FGF10: variants seen among roughly 807,000 people sequenced by gnomAD.
FGF10 encodes the protein fibroblast growth factor 10.
Under a neutral mutation model 19.8 loss-of-function variants are expected in FGF10, and 2 were observed. The observed-to-expected ratio is 0.10, with a 90% CI of 0.04 to 0.32. The LOEUF (loss-of-function observed/expected upper bound fraction) is 0.32, where lower values mean the gene tolerates loss of function less well. Among genes scored for constraint, FGF10 ranks in the 10% least tolerant of loss-of-function variants. The pLI is 1.00. For missense variants in FGF10, 191 were observed against 246.3 expected, an observed-to-expected ratio of 0.78 and a Z score of 1.50; for synonymous variants, 112 against 94.0, an observed-to-expected ratio of 1.19 and a Z score of -1.10.
At chr5:44,319,866 G>C (rs1418443704) in intron 1 of FGF10, among the ~76,000 whole-genome samples, 1 of 152,144 alleles carries the variant, frequency 6.6e-6, no homozygotes, top group Non-Finnish European at 1.5e-5. Context: ...GCCATGGACT[G>C]GTACTGGTCC....
chr5:44,372,531 C>T (rs1300441901), intron 1 of FGF10, among the ~76,000 whole-genome samples: 1 of 152,104 alleles, frequency 6.6e-6, no homozygotes, highest in African/African-American at 2.4e-5. Flanking sequence ...ATTATTCAGC[C>T]TTCTGTATCC....
At chr5:44,387,966 A>G (rs1169165900) in intron 1 of FGF10, among the ~76,000 whole-genome samples, 2 of 152,144 alleles carry the variant, frequency 1.3e-5, no homozygotes, top group African/African-American at 4.8e-5. Flanking sequence ...AAGAAACAAA[A>G]TGTGTTTACT....
chr5:44,371,977 A>C (rs1412506063), intron 1 of FGF10, among the ~76,000 whole-genome samples: 1 of 152,166 alleles, frequency 6.6e-6, no homozygotes, highest in African/African-American at 2.4e-5. Context: ...TTGTCAAATT[A>C]TCCTTAATTT....
intron 1 of FGF10, among the ~76,000 whole-genome samples, chr5:44,354,854 GCA>G (rs1431144524): frequency 2.0e-5 from 3 of 151,450 alleles, no homozygotes; most frequent in Non-Finnish European, 4.4e-5. Flanking sequence ...AACAATTAGT[GCA>G]CAGTCCTGCC....
At chr5:44,325,694 T>A (rs989835542) in intron 1 of FGF10, among the ~76,000 whole-genome samples, 3 of 136,572 alleles carry the variant, frequency 2.2e-5, no homozygotes, top group African/African-American at 8.4e-5. Context: ...ATGAGAACAT[T>A]TGGACACAGG....
At chr5:44,335,019 T>C (rs1014278440) in intron 1 of FGF10, among the ~76,000 whole-genome samples, 1 of 152,150 alleles carries the variant, frequency 6.6e-6, no homozygotes, top group Non-Finnish European at 1.5e-5. Context: ...TTGTATTTGA[T>C]TTAATTTAAT....
At chr5:44,379,132 T>C (rs542676644) in intron 1 of FGF10, among the ~76,000 whole-genome samples, 21 of 152,334 alleles carry the variant, frequency 1.4e-4, no homozygotes, top group African/African-American at 4.8e-4. Flanking sequence ...CAGTGCTCTT[T>C]GGGGTAGTTC....
intron 1 of FGF10, among the ~76,000 whole-genome samples, chr5:44,347,916 T>C (rs1741124233): frequency 6.6e-6 from 1 of 151,698 alleles, no homozygotes; most frequent in Non-Finnish European, 1.5e-5. Context: ...TATAATATGA[T>C]TTTCTTTATG....
At chr5:44,313,878 T>C (rs1193774229) in intron 1 of FGF10, among the ~76,000 whole-genome samples, 1 of 152,074 alleles carries the variant, frequency 6.6e-6, no homozygotes, top group Non-Finnish European at 1.5e-5. Flanking sequence ...AAAATGAAAA[T>C]ATAAAGTCAA....
At position 44,388,692 on chromosome 5, in the gene FGF10, A is replaced by T. The variant is rs143865624; in HGVS notation, c.-10T>A. On this transcript the variant is annotated 5_prime_UTR_variant, in exon 1 of 3. Transcript: ENST00000264664. Reference sequence around the variant, plus strand: ...GTATCCATTTCCACATTGTACTGAAACTCTCGGCACTGGAAATTGTCTCAT... The same window carrying T: ...GTATCCATTTCCACATTGTACTGAATCTCTCGGCACTGGAAATTGTCTCAT... 2.5e-6 allele frequency: 4 copies of T among 1,613,696 alleles called. No homozygotes were observed. Among genetic ancestry groups the T allele is most frequent in the Admixed American group, 3.3e-5 (2 of 60,010 alleles).
intron 1 of FGF10, among the ~76,000 whole-genome samples, chr5:44,356,827 T>C (rs1741357103): frequency 6.6e-6 from 1 of 151,304 alleles, no homozygotes; most frequent in Admixed American, 6.6e-5. Context: ...GTTTTAGTTG[T>C]TAGGAAGGGC....
intron 1 of FGF10, among the ~76,000 whole-genome samples, chr5:44,383,671 C>T (rs1474267860): frequency 6.6e-6 from 1 of 151,964 alleles, no homozygotes; most frequent in Non-Finnish European, 1.5e-5. Context: ...GTGGAGGGTC[C>T]ATATGGTAGG....
chr5:44,348,940 T>C (rs984940104), intron 1 of FGF10, among the ~76,000 whole-genome samples: 20 of 151,482 alleles, frequency 1.3e-4, no homozygotes, highest in Non-Finnish European at 1.9e-4. Flanking sequence ...TTTCTATGAC[T>C]CTTCTTCCTT....
intron 1 of FGF10, among the ~76,000 whole-genome samples, chr5:44,333,003 T>C (rs1190819631): frequency 2.0e-5 from 3 of 152,152 alleles, no homozygotes; most frequent in African/African-American, 7.2e-5. Flanking sequence ...AAAGTTTCTA[T>C]ATCTAGGCTT....
chr5:44,352,561 C>G (rs767934702), intron 1 of FGF10, among the ~76,000 whole-genome samples: 13 of 151,616 alleles, frequency 8.6e-5, no homozygotes, highest in Non-Finnish European at 1.6e-4. Flanking sequence ...TATCTTAAAA[C>G]CCACCCCTGT....
chr5:44,311,952 G>A (rs958620481), intron 1 of FGF10, among the ~76,000 whole-genome samples: 2 of 151,974 alleles, frequency 1.3e-5, no homozygotes, highest in African/African-American at 4.8e-5. Flanking sequence ...CAATAGAAAT[G>A]CTTGAGTTTC....
intron 1 of FGF10, among the ~76,000 whole-genome samples, chr5:44,314,481 T>C (rs1579897273): frequency 6.6e-6 from 1 of 152,170 alleles, no homozygotes; most frequent in African/African-American, 2.4e-5. Flanking sequence ...AAAGCGATTA[T>C]GACAAAAATC....
chr5:44,355,291 T>G (rs1268459426), intron 1 of FGF10, among the ~76,000 whole-genome samples: 1 of 151,246 alleles, frequency 6.6e-6, no homozygotes, highest in African/African-American at 2.4e-5. Flanking sequence ...AAAAATGATC[T>G]TCAAAAGGCA....
intron 1 of FGF10, among the ~76,000 whole-genome samples, chr5:44,340,591 C>A (rs1010217368): frequency 1.8e-4 from 28 of 151,860 alleles, no homozygotes; most frequent in Admixed American, 1.4e-3. Flanking sequence ...TTTCATTATT[C>A]TGACAATACT....
Sources: gnomAD v4.1 joint callset for allele counts (sites outside exome capture counted in the v4.1 genomes callset) on GRCh38, gnomAD v4.1.1 for gene constraint, MANE v1.5 for transcripts, NCBI Gene and HGNC (gene_info 2026-07-23, HGNC 2026-07-21) for gene names.